METTL16: variants seen among roughly 807,000 people sequenced by gnomAD.
METTL16 encodes RNA N(6)-adenosine-methyltransferase METTL16.
In METTL16, 19 loss-of-function variants were observed where a neutral mutation model predicts 57.9. That is an observed-to-expected ratio of 0.33 (90% CI 0.23 to 0.48). The LOEUF is 0.48. METTL16 is among the 20% of genes least tolerant of loss of function. The pLI is 0.99. For missense variants in METTL16, 434 were observed against 691.5 expected (o/e 0.63, Z 4.18); for synonymous variants, 246 against 255.6 (o/e 0.96, Z 0.36).
intron 8 of METTL16, among the ~76,000 whole-genome samples, chr17:2,429,094 G>T (rs1268990423): frequency 6.6e-6 from 1 of 151,992 alleles, no homozygotes; most frequent in Non-Finnish European, 1.5e-5. Context: ...CCGACCTCAG[G>T]TGATCCACCC....
rs572271515 is a variant in METTL16, at chr17:2,447,577, G to T, written c.729-6018C>A. Among the ~76,000 whole-genome samples the T allele has an allele frequency of 2.7e-3, 217 of 79,932 alleles. 1 individual carries two copies. The highest frequency in any genetic ancestry group is 4.0e-3 in the Non-Finnish European group (174 of 43,822). The allele number at this position is 79,932 out of a possible 152,430, so 52.4% of individuals were successfully genotyped here. A position where few individuals can be genotyped will look rare whatever the true frequency, so the allele number is the denominator to read the frequency against. On this transcript the variant is annotated intron_variant, in intron 6 of 9. Transcript: ENST00000263092. ...CAGTCGCCCCGTCCAGGAGGGAGGT[G>T]GGGGGGGTCAGCCCCCCGCCCGGCC... is the stretch of plus-strand genomic sequence containing the variant.
intron 6 of METTL16, among the ~76,000 whole-genome samples, chr17:2,461,926 ATAGACAGAAAAGAGGACAATACCG>A (rs1361684155): frequency 1.3e-5 from 2 of 152,142 alleles, no homozygotes; most frequent in Admixed American, 6.5e-5. Flanking sequence ...TCTATACTAC[ATAGACAGAAAAGAGGACAATACCG>A]TATAGGAAAA....
chr17:2,457,999 C>G (rs1192760026), intron 6 of METTL16, among the ~76,000 whole-genome samples: 2 of 152,060 alleles, frequency 1.3e-5, no homozygotes, highest in Non-Finnish European at 2.9e-5. Context: ...TCCACCTTGG[C>G]CTACTGGGTA....
intron 4 of METTL16, among the ~76,000 whole-genome samples, chr17:2,468,228 C>T (rs2067215141): frequency 6.6e-6 from 1 of 152,188 alleles, no homozygotes; most frequent in Admixed American, 6.5e-5. Context: ...CAGAATATAT[C>T]CCTGCTGTTA....
intron 6 of METTL16, among the ~76,000 whole-genome samples, chr17:2,451,667 T>C (rs946277546): frequency 4.0e-5 from 6 of 151,338 alleles, no homozygotes; most frequent in African/African-American, 1.5e-4. Context: ...ATAAATGGAT[T>C]CATTAACCAG....
intron 7 of METTL16, among the ~76,000 whole-genome samples, chr17:2,440,671 A>G (rs1449939501): frequency 2.0e-5 from 3 of 152,130 alleles, no homozygotes; most frequent in Non-Finnish European, 4.4e-5. Context: ...CTTGGTCCCA[A>G]AGGAAAAGAA....
At chr17:2,507,743 G>A (rs988158855) in intron 1 of METTL16, among the ~76,000 whole-genome samples, 7 of 152,214 alleles carry the variant, frequency 4.6e-5, no homozygotes, top group Admixed American at 6.5e-5. Context: ...TGTGTAGAAA[G>A]AGGTAGACAT....
chr17:2,419,888 G>A lies in METTL16; in HGVS notation c.*82C>T, dbSNP rs2066747398. 7 of 1,512,428 alleles carry A rather than the reference G, an allele frequency of 4.6e-6. No individual in the cohort carries two copies. In the Admixed American group the frequency reaches 5.3e-5, roughly 12 times the overall value. The allele number at this position is 1,512,428 out of a possible 1,614,324, so 93.7% of individuals were successfully genotyped here. On this transcript the variant is annotated 3_prime_UTR_variant, in exon 10 of 10. Coordinates refer to ENST00000263092, the MANE Select transcript of METTL16 (RefSeq NM_024086.4). The stretch of plus-strand genomic sequence containing the variant: ...TTCCACATCGTGCTACTAATGGGCC[G>A]CTGGTAGGATTCCTCTTGCCACCCC...
chr17:2,461,314 T>C (rs2067148450), intron 6 of METTL16, among the ~76,000 whole-genome samples: 1 of 152,050 alleles, frequency 6.6e-6, no homozygotes, highest in South Asian at 2.1e-4. Context: ...TGAGCCAACA[T>C]CACCCTAGTG....
At chr17:2,470,635 C>T (rs2067229152) in intron 4 of METTL16, among the ~76,000 whole-genome samples, 1 of 151,900 alleles carries the variant, frequency 6.6e-6, no homozygotes, top group South Asian at 2.1e-4. Flanking sequence ...ACGGTAAGAC[C>T]CCATCTCTAC....
At chr17:2,474,588 G>A (rs2067257232) in intron 3 of METTL16, among the ~76,000 whole-genome samples, 1 of 152,108 alleles carries the variant, frequency 6.6e-6, no homozygotes, top group Non-Finnish European at 1.5e-5. Flanking sequence ...ACTAAATTAT[G>A]TAGAACCGCT....
intron 8 of METTL16, among the ~76,000 whole-genome samples, chr17:2,426,696 TC>T (rs2066820938): frequency 9.5e-6 from 1 of 105,424 alleles, no homozygotes; most frequent in Admixed American, 1.4e-4. Context: ...GCCACTGGAC[TC>T]CAACCTGGGT....
rs767320290 is a variant in METTL16 at position 2,419,978 on chromosome 17, C to A, written c.1681G>T (p.Val561Phe). The change falls in exon 10 of 10, where the codon GTT becomes TTT. Residue 561 changes from valine to phenylalanine, a missense_variant. Coordinates refer to ENST00000263092, the MANE Select transcript of METTL16 (RefSeq NM_024086.4). ...IRNQIFRLVA[V>F]N ...AACTGTGCAGGAGGTTTCTAGTTAA[C>A]TGCAACAAGCCTGAAAATTTGGTTA... The A allele has an allele frequency of 4.3e-6, 7 of 1,614,074 alleles. No homozygotes were observed. In the East Asian group the frequency reaches 1.6e-4, roughly 36 times the overall value.
intron 2 of METTL16, among the ~76,000 whole-genome samples, chr17:2,485,143 A>G (rs955390970): frequency 1.3e-5 from 2 of 152,134 alleles, no homozygotes; most frequent in Non-Finnish European, 2.9e-5. Flanking sequence ...CTCCTGTCAG[A>G]TCAGCGCAGC....
intron 8 of METTL16, among the ~76,000 whole-genome samples, chr17:2,421,921 T>A (rs2066769417): frequency 6.6e-6 from 1 of 152,020 alleles, no homozygotes; most frequent in Admixed American, 6.6e-5. Context: ...TCAAAGCTGG[T>A]TCCAAGAAAA....
chr17:2,505,338 A>G (rs1460412879), intron 1 of METTL16, among the ~76,000 whole-genome samples: 1 of 149,646 alleles, frequency 6.7e-6, no homozygotes, highest in Non-Finnish European at 1.5e-5. Context: ...TTTACCTGCT[A>G]AATACCTCTT....
chr17:2,451,838 G>A (rs963362439), intron 6 of METTL16, among the ~76,000 whole-genome samples: 1 of 151,752 alleles, frequency 6.6e-6, no homozygotes, highest in Non-Finnish European at 1.5e-5. Context: ...GCCAAGAAGC[G>A]GCACAGAACA....
intron 2 of METTL16, among the ~76,000 whole-genome samples, chr17:2,484,750 T>A (rs2067329788): frequency 6.6e-6 from 1 of 152,136 alleles, no homozygotes. Context: ...TGCCTCGGCC[T>A]CCCAAAGTGC....
intron 8 of METTL16, among the ~76,000 whole-genome samples, chr17:2,427,490 G>A (rs1372549025): frequency 6.6e-6 from 1 of 152,102 alleles, no homozygotes; most frequent in Non-Finnish European, 1.5e-5. Flanking sequence ...AAGTAAAAAA[G>A]TAGCTATTTT....
Sources: gnomAD v4.1 joint callset for allele counts (sites outside exome capture counted in the v4.1 genomes callset) on GRCh38, gnomAD v4.1.1 for gene constraint, MANE v1.5 for transcripts, NCBI Gene and HGNC (gene_info 2026-07-23, HGNC 2026-07-21) for gene names.